TIE1: variants seen among roughly 807,000 people sequenced by gnomAD.
The protein encoded by TIE1 is tyrosine-protein kinase receptor Tie-1.
Under a neutral mutation model 130.5 loss-of-function variants are expected in TIE1, and 89 were observed. The observed-to-expected ratio is 0.68, with a 90% CI of 0.57 to 0.81. The LOEUF is 0.81. Among genes scored for constraint, TIE1 ranks in the 40% least tolerant of loss-of-function variants. The pLI, the probability that TIE1 is intolerant of heterozygous loss-of-function variation, is 0.00. For missense variants in TIE1, 1,392 were observed against 1,559.8 expected, an observed-to-expected ratio of 0.89 and a Z score of 1.81; for synonymous variants, 568 against 629.4, an observed-to-expected ratio of 0.90 and a Z score of 1.46.
chr1:43,318,211 A>G lies in TIE1; in HGVS notation c.2922+139A>G. 2 of 1,128,422 alleles carry G rather than the reference A, an allele frequency of 1.8e-6. No individual in the cohort carries two copies. Among genetic ancestry groups the G allele is most frequent in the Non-Finnish European group, 2.4e-6 (2 of 824,266 alleles). The allele number at this position is 1,128,422 out of a possible 1,614,324, so 69.9% of individuals were successfully genotyped here. ...TGTGTGGGTGGGTGCAAGCACAGCGAGGAGGCAGGGCCAAGGGGCAGGTCT... is the reference window on the plus strand; with the variant it reads ...TGTGTGGGTGGGTGCAAGCACAGCGGGGAGGCAGGGCCAAGGGGCAGGTCT... On this transcript the variant is annotated intron_variant, in intron 17 of 22. Coordinates refer to ENST00000372476, the MANE Select transcript of TIE1 (RefSeq NM_005424.5). This position sits in a 1 kb window ranked among gnomAD's most constrained non-coding sequence, Gnocchi z 4.4.
rs188580709 is a variant in TIE1, at chr1:43,303,925, G to A, written c.59-926G>A. On this transcript the variant is annotated intron_variant, in intron 1 of 22. Coordinates refer to ENST00000372476, the MANE Select transcript of TIE1 (RefSeq NM_005424.5). ...CCTTCTCTGTGCTCAAAAGCACAGC[G>A]CCCTACATTTGGCAGCTGTGTTCAT... is the stretch of plus-strand genomic sequence containing the variant. Among the ~76,000 whole-genome samples the A allele has an allele frequency of 1.2e-3, 181 of 152,224 alleles. 1 individual carries two copies. The highest frequency in any genetic ancestry group is 4.0e-3 in the African/African-American group (168 of 41,532).
At position 43,312,182 on chromosome 1, in the gene TIE1, G is replaced by A. The variant is rs544162803; in HGVS notation, c.1630+51G>A. On this transcript the variant is annotated intron_variant, in intron 11 of 22. Coordinates refer to ENST00000372476, the MANE Select transcript of TIE1 (RefSeq NM_005424.5). The surrounding 1 kb of genome is among the most constrained non-coding windows in gnomAD (Gnocchi z 5.6). Reference sequence around the variant, plus strand: ...CTGTCCCCCCAAGGGTTACTTTCCCGTCGACCCCAGGGACCCCTGCCTTTC... The same window carrying A: ...CTGTCCCCCCAAGGGTTACTTTCCCATCGACCCCAGGGACCCCTGCCTTTC... 12 of 1,512,296 alleles carry A rather than the reference G, an allele frequency of 7.9e-6. No homozygotes were observed. Among genetic ancestry groups the A allele is most frequent in the Middle Eastern group, 1.8e-4 (1 of 5,576 alleles). 93.7% of individuals were successfully genotyped at this position (1,512,296 alleles called of 1,614,324 possible).
At position 43,313,253 on chromosome 1, in the gene TIE1, G is replaced by A; in HGVS notation, c.2046G>A (p.Gln682=). 2.5e-6 allele frequency: 4 copies of A among 1,614,060 alleles called. No homozygotes were observed. The highest frequency in any genetic ancestry group is 3.4e-6 in the Non-Finnish European group (4 of 1,179,936). ...GPISKYVVEV[Q]VAGGAGDPLW... ...TATCCAAGTACGTTGTGGAGGTGCA[G>A]GTGGCTGGGGGTGCAGGAGACCCAC... Residue 682 remains glutamine, a synonymous_variant, in exon 13 of 23, where the codon CAG becomes CAA. Coordinates refer to ENST00000372476, the MANE Select transcript of TIE1 (RefSeq NM_005424.5). The surrounding 1 kb of genome is among the most constrained non-coding windows in gnomAD (Gnocchi z 6.2).
rs181763234 is a variant in TIE1 at position 43,315,951 on chromosome 1, C to T, written c.2410-1248C>T. Among the ~76,000 whole-genome samples the T allele has an allele frequency of 5.2e-4, 79 of 151,780 alleles. No homozygotes were observed. The highest frequency in any genetic ancestry group is 1.4e-3 in the African/African-American group (59 of 41,362). ...GTGTGCACCTGTGGTCCCAACTACT[C>T]GGGAGGCTGAGGTGGGAGGATTGCC... On this transcript the variant is annotated intron_variant, in intron 14 of 22. Transcript: ENST00000372476. The surrounding 1 kb of genome is among the most constrained non-coding windows in gnomAD (Gnocchi z 4.4).
rs775231153 is a variant in TIE1, at chr1:43,317,996, C to T, written c.2846C>T (p.Ser949Phe). Reference protein sequence around the residue: ...PAFAREHGTASTLSSRQLLRF... With the variant: ...PAFAREHGTAFTLSSRQLLRF... ...TTTGCTCGAGAGCATGGGACAGCCT[C>T]TACCCTTAGCTCCCGGCAGCTGCTG... The change falls in exon 17 of 23, where the codon TCT (serine) becomes TTT (phenylalanine). Residue 949 changes from serine (S) to phenylalanine (F), a missense_variant. Physicochemically the swap from Ser to Phe is radical, Grantham distance 155. Around this residue, in one of 6 missense-constraint regions of TIE1, gnomAD observed 286 missense variants for 354.4 expected, o/e 0.81. Coordinates refer to ENST00000372476, the MANE Select transcript of TIE1 (RefSeq NM_005424.5). The surrounding 1 kb of genome is among the most constrained non-coding windows in gnomAD (Gnocchi z 5.1). 6.2e-7 allele frequency: 1 copy of T among 1,604,530 alleles called. No homozygotes were observed. The highest frequency in any genetic ancestry group is 1.1e-5 in the South Asian group (1 of 89,938).
At position 43,313,278 on chromosome 1, in the gene TIE1, C is replaced by T. The variant is rs1349609578; in HGVS notation, c.2071C>T (p.Leu691=). Residue 691 remains leucine (L), a synonymous_variant, in exon 13 of 23, where the codon CTG becomes TTG. Coordinates refer to ENST00000372476, the MANE Select transcript of TIE1 (RefSeq NM_005424.5). The surrounding 1 kb of genome is among the most constrained non-coding windows in gnomAD (Gnocchi z 6.2). ...GGTGGCTGGGGGTGCAGGAGACCCA[C>T]TGTGGATAGACGTGGACAGGCCTGA... is the stretch of plus-strand genomic sequence containing the variant. The part of the protein sequence containing the change: ...VQVAGGAGDP[L]WIDVDRPEET... The T allele has an allele frequency of 5.6e-6, 9 of 1,614,030 alleles. No homozygotes were observed. Among genetic ancestry groups the T allele is most frequent in the Non-Finnish European group, 7.6e-6 (9 of 1,179,944 alleles).
In TIE1 at chr1:43,318,940, G is replaced by GGGGATGGGAAGAGGGAGGGGGAGAAGCAT. The variant is rs1646887234; in HGVS notation, c.2923-292_2923-264dup. On this transcript the variant is annotated intron_variant, in intron 17 of 22. Transcript: ENST00000372476. The surrounding 1 kb of genome is among the most constrained non-coding windows in gnomAD (Gnocchi z 4.4). ...GCTAAGGGAGAGAAACTGGAACCCA[G>GGGGATGGGAAGAGGGAGGGGGAGAAGCAT]GGGATGGGAAGAGGGAGGGGGAGAA... Among the ~76,000 whole-genome samples, 1 of 152,126 alleles carries GGGGATGGGAAGAGGGAGGGGGAGAAGCAT rather than the reference G, an allele frequency of 6.6e-6. No individual in the cohort carries two copies. The highest frequency in any genetic ancestry group is 1.5e-5 in the Non-Finnish European group (1 of 68,032).
At chr1:43,321,526 A>G (rs567301052) in intron 21 of TIE1, 34 bp downstream of exon 21, 6 of 1,585,472 alleles carry the variant, frequency 3.8e-6, no homozygotes, top group East Asian at 2.3e-5. Context: ...CCATGATCCT[A>G]TCTCTGTGAT....
chr1:43,311,907 C>CA (rs1243111208), intron 10 of TIE1, 78 bp downstream of exon 10: 77 of 1,572,824 alleles, frequency 4.9e-5, no homozygotes, highest in Non-Finnish European at 6.4e-5. Context: ...AGAGGGAGGG[C>CA]AAATGGTGCG....
chr1:43,301,386 C>T (rs771351430), intron 1 of TIE1, among the ~76,000 whole-genome samples: 1 of 151,512 alleles, frequency 6.6e-6, no homozygotes, highest in African/African-American at 2.4e-5. Flanking sequence ...CTTTGGATGG[C>T]TGAGATGGGA....
chr1:43,309,038 G>T lies in TIE1; in HGVS notation c.1095G>T (p.Glu365Asp). The T allele has an allele frequency of 2.5e-6, 4 of 1,614,078 alleles. No homozygotes were observed. The highest frequency in any genetic ancestry group is 1.3e-5 in the African/African-American group (1 of 75,020). The change falls in exon 8 of 23, where the codon GAG becomes GAT. Residue 365 changes from glutamate (E) to aspartate (D), a missense_variant. By Grantham distance (45) the Glu-to-Asp change is conservative (BLOSUM62 2). Around this residue, in one of 6 missense-constraint regions of TIE1, gnomAD observed 551 missense variants for 565.5 expected, o/e 0.97. Transcript: ENST00000372476. This position sits in a 1 kb window ranked among gnomAD's most constrained non-coding sequence, Gnocchi z 6.3. ...CCTCAGAACTGGAGTTCAACTTAGA[G>T]ACGATGCCCCGGATCAACTGTGCAG... Reference protein sequence around the residue: ...NMASELEFNLETMPRINCAAA... With the variant: ...NMASELEFNLDTMPRINCAAA...
rs951063883 is a variant in TIE1 at position 43,322,030 on chromosome 1, C to T, written c.3345+315C>T. On this transcript the variant is annotated intron_variant, in intron 22 of 22. Transcript: ENST00000372476. The surrounding 1 kb of genome is among the most constrained non-coding windows in gnomAD (Gnocchi z 4.0). ...ATCAGCCTGTCCTCATCTGGGACAC[C>T]TCTCCCCACCTGCCAGAGCCAGAGC... 1.2e-4 allele frequency among the ~76,000 whole-genome samples: 18 copies of T among 152,286 alleles called. No individual in the cohort carries two copies. Among genetic ancestry groups the T allele is most frequent in the Non-Finnish European group, 2.4e-4 (16 of 68,028 alleles).
At chr1:43,308,850 C>A in intron 7 of TIE1, 136 bp from the exon 8 acceptor site, 2 of 1,166,874 alleles carry the variant, frequency 1.7e-6, no homozygotes, top group Non-Finnish European at 1.3e-6. Context: ...AGGAGTCATG[C>A]GGGCCTTTGC....
rs949239623 is a variant in TIE1 at position 43,316,258 on chromosome 1, A to G, written c.2410-941A>G. Among the ~76,000 whole-genome samples the G allele has an allele frequency of 6.6e-6, 1 of 152,186 alleles. No individual in the cohort carries two copies. Among genetic ancestry groups the G allele is most frequent in the Non-Finnish European group, 1.5e-5 (1 of 68,032 alleles). ...CCTGCATGTGTGTATGGACCTATAC[A>G]TGATGCACCTACATATGGTGCTGCC... On this transcript the variant is annotated intron_variant, in intron 14 of 22. Transcript: ENST00000372476. The surrounding 1 kb of genome is among the most constrained non-coding windows in gnomAD (Gnocchi z 4.4).
rs756836098 is a variant in TIE1, at chr1:43,305,086, C to T, written c.294C>T (p.Asp98=). The T allele has an allele frequency of 1.1e-5, 18 of 1,612,424 alleles. No homozygotes were observed. Among genetic ancestry groups the T allele is most frequent in the Middle Eastern group, 1.6e-4 (1 of 6,076 alleles). The change falls in exon 2 of 23, where the codon GAC becomes GAT. Residue 98 remains aspartate (D), a synonymous_variant. Transcript: ENST00000372476. ...TTCGCGGCTTCTCCAAGCCCTCGGA[C>T]CTCGTGGGCGTCTTCTCCTGCGTGG... ...VTLRGFSKPS[D]LVGVFSCVGG...
intron 7 of TIE1, chr1:43,308,772 A>C: frequency 6.0e-6 from 4 of 671,050 alleles, no homozygotes; most frequent in East Asian, 2.9e-5. Context: ...ATTAGACGGT[A>C]TCGGGAAGTG....
rs889158459 is a variant in TIE1 at position 43,317,002 on chromosome 1, G to A, written c.2410-197G>A. Among the ~76,000 whole-genome samples, 5 of 151,878 alleles carry A rather than the reference G, an allele frequency of 3.3e-5. No homozygotes were observed. Among genetic ancestry groups the A allele is most frequent in the Non-Finnish European group, 7.4e-5 (5 of 68,006 alleles). On this transcript the variant is annotated intron_variant, in intron 14 of 22. Transcript: ENST00000372476. This position sits in a 1 kb window ranked among gnomAD's most constrained non-coding sequence, Gnocchi z 5.1. ...CTGTCCACCCAGCAGCCTACCTGTGGCTCTGTTACCTATGATTCTGTCTCA... is the reference window on the plus strand; with the variant it reads ...CTGTCCACCCAGCAGCCTACCTGTGACTCTGTTACCTATGATTCTGTCTCA...
At chr1:43,311,347 A>C (rs1222764752) in intron 9 of TIE1, among the ~76,000 whole-genome samples, 1 of 151,728 alleles carries the variant, frequency 6.6e-6, no homozygotes, top group Non-Finnish European at 1.5e-5. Flanking sequence ...GAGCAGGATG[A>C]TGCCCAGGTA....
chr1:43,313,880 T>C lies in TIE1; in HGVS notation c.2321T>C (p.Leu774Pro). ...GTGGGCTCCGTGTCTGCCACCTGCC[T>C]CACCATCCTGGCTGCCCTTTTAACC... The part of the protein sequence containing the change: ...AVVGSVSATC[L>P]TILAALLTLV... Residue 774 changes from leucine to proline, a missense_variant, in exon 14 of 23, where the codon CTC (leucine) becomes CCC (proline). Transcript: ENST00000372476. The surrounding 1 kb of genome is among the most constrained non-coding windows in gnomAD (Gnocchi z 6.2). 1 of 1,614,024 alleles carries C rather than the reference T, an allele frequency of 6.2e-7. No individual in the cohort carries two copies.
Sources: allele counts gnomAD v4.1 joint callset (sites outside exome capture counted in the v4.1 genomes callset), GRCh38; gene constraint gnomAD v4.1.1; regional missense constraint gnomAD v4.1.1; non-coding constraint Gnocchi (gnomAD v3.1); transcripts MANE v1.5; gene names NCBI Gene and HGNC (gene_info 2026-07-23, HGNC 2026-07-21).